RBMS1: variants seen among roughly 807,000 people sequenced by gnomAD.
RBMS1 encodes the protein RNA-binding motif, single-stranded-interacting protein 1.
A neutral mutation model predicts 62.3 loss-of-function variants in RBMS1; 17 were observed. The ratio of observed to expected loss-of-function variants is 0.27; its 90% CI spans 0.19 to 0.41. The LOEUF is 0.41. RBMS1 is among the 10% of genes least tolerant of loss of function. The pLI is 1.00. For missense variants in RBMS1, 334 were observed against 504.5 expected (o/e 0.66, Z 3.24); for synonymous variants, 172 against 170.0 (o/e 1.01, Z -0.09).
At chr2:160,278,750 G>T in intron 10 of RBMS1, 92 bp from the exon 11 acceptor site, 2 of 759,790 alleles carry the variant, frequency 2.6e-6, no homozygotes, top group Non-Finnish European at 4.2e-6. Context: ...ACCTTAGTTT[G>T]TTTAAGAATG....
chr2:160,279,889 C>T (rs1468165674), intron 10 of RBMS1: 3 of 152,118 alleles, frequency 2.0e-5, no homozygotes, highest in African/African-American at 7.2e-5. Context: ...AATGTCTCCT[C>T]AAAGATGTTA....
intron 10 of RBMS1, among the ~76,000 whole-genome samples, chr2:160,280,624 A>C (rs1248370973): frequency 6.6e-6 from 1 of 152,118 alleles, no homozygotes; most frequent in Non-Finnish European, 1.5e-5. Context: ...AGTTACTAGA[A>C]AGCTTAGAGC....
chr2:160,416,531 A>G (rs1696215386), intron 1 of RBMS1, among the ~76,000 whole-genome samples: 1 of 152,158 alleles, frequency 6.6e-6, no homozygotes, highest in Non-Finnish European at 1.5e-5. Context: ...ATGCTTTATT[A>G]TGCATTATCT....
intron 1 of RBMS1, among the ~76,000 whole-genome samples, chr2:160,478,069 G>A (rs1485911681): frequency 1.3e-5 from 2 of 152,236 alleles, no homozygotes; most frequent in South Asian, 2.1e-4. Flanking sequence ...GGCACTGCAT[G>A]CTGTCTACAA....
intron 1 of RBMS1, among the ~76,000 whole-genome samples, chr2:160,446,765 C>G (rs948457154): frequency 6.6e-6 from 1 of 152,218 alleles, no homozygotes; most frequent in African/African-American, 2.4e-5. Flanking sequence ...CTCCCCATTC[C>G]TCGGACTGCT....
chr2:160,279,895 T>C (rs1345839609), intron 10 of RBMS1: 2 of 152,184 alleles, frequency 1.3e-5, no homozygotes, highest in Non-Finnish European at 2.9e-5. Flanking sequence ...TCCTCAAAGA[T>C]GTTAAGCTCA....
chr2:160,300,038 C>T (rs556931388), intron 6 of RBMS1, among the ~76,000 whole-genome samples: 1 of 152,170 alleles, frequency 6.6e-6, no homozygotes, highest in Non-Finnish European at 1.5e-5. Flanking sequence ...GAGAATGCCA[C>T]TTAAGAAATG....
chr2:160,465,219 A>G (rs1171272164), intron 1 of RBMS1, among the ~76,000 whole-genome samples: 2 of 152,238 alleles, frequency 1.3e-5, no homozygotes, highest in Non-Finnish European at 1.5e-5. Flanking sequence ...TGGCATAGTC[A>G]TTATGATTGT....
At chr2:160,304,677 T>TAA (rs1689403169) in intron 4 of RBMS1, among the ~76,000 whole-genome samples, 1 of 152,136 alleles carries the variant, frequency 6.6e-6, no homozygotes, top group South Asian at 2.1e-4. Flanking sequence ...AAATAATAAA[T>TAA]AATAGATTTT....
At chr2:160,341,896 A>T (rs1414377316) in intron 2 of RBMS1, among the ~76,000 whole-genome samples, 1 of 152,226 alleles carries the variant, frequency 6.6e-6, no homozygotes, top group Non-Finnish European at 1.5e-5. Flanking sequence ...GTTTTAAAAC[A>T]TTTATGACTA....
chr2:160,279,212 T>C (rs1687985023), intron 10 of RBMS1: 1 of 152,246 alleles, frequency 6.6e-6, no homozygotes, highest in African/African-American at 2.4e-5. Context: ...ATTCACTCAG[T>C]GTTTCTCAGA....
chr2:160,354,339 TA>T (rs1692678279), intron 2 of RBMS1, among the ~76,000 whole-genome samples: 1 of 152,068 alleles, frequency 6.6e-6, no homozygotes, highest in African/African-American at 2.4e-5. Flanking sequence ...GGGTAATGAA[TA>T]GGGGTGGTGG....
intron 2 of RBMS1, among the ~76,000 whole-genome samples, chr2:160,322,292 A>G (rs911312375): frequency 2.0e-5 from 3 of 152,236 alleles, no homozygotes; most frequent in African/African-American, 7.2e-5. Flanking sequence ...AATGATTTTG[A>G]GAAACAATGC....
chr2:160,439,338 C>T (rs541071234), intron 1 of RBMS1, among the ~76,000 whole-genome samples: 25 of 147,696 alleles, frequency 1.7e-4, no homozygotes, highest in African/African-American at 4.8e-4. Flanking sequence ...ACTTCTCAGA[C>T]GGGGCGGTTG....
chr2:160,410,351 T>TA (rs1695977831), intron 1 of RBMS1, among the ~76,000 whole-genome samples: 3 of 152,190 alleles, frequency 2.0e-5, no homozygotes, highest in South Asian at 2.1e-4. Flanking sequence ...ATATATGTTT[T>TA]AAAAAAACAA....
chr2:160,283,242 ACATAT>A (rs1688193173), intron 9 of RBMS1: 1 of 152,238 alleles, frequency 6.6e-6, no homozygotes, highest in African/African-American at 2.4e-5. Flanking sequence ...ATTTTCAGTG[ACATAT>A]AAATGACAGA....
chr2:160,286,590 G>C (rs909954288), intron 7 of RBMS1, among the ~76,000 whole-genome samples: 1 of 152,032 alleles, frequency 6.6e-6, no homozygotes. Context: ...AAAGTGCTAG[G>C]ATTATAGGTG....
intron 2 of RBMS1, among the ~76,000 whole-genome samples, chr2:160,349,285 G>C (rs767021275): frequency 3.3e-5 from 5 of 152,056 alleles, no homozygotes; most frequent in Non-Finnish European, 7.4e-5. Flanking sequence ...AGAGCCAGAG[G>C]CTAAAAGTAT....
intron 1 of RBMS1, among the ~76,000 whole-genome samples, chr2:160,398,379 G>C (rs1695255161): frequency 6.6e-6 from 1 of 152,210 alleles, no homozygotes; most frequent in African/African-American, 2.4e-5. Flanking sequence ...CAATGTGTTT[G>C]AGAAGATCCA....
Sources: gnomAD v4.1 joint callset for allele counts (sites outside exome capture counted in the v4.1 genomes callset) on GRCh38, gnomAD v4.1.1 for gene constraint, MANE v1.5 for transcripts, NCBI Gene and HGNC (gene_info 2026-07-23, HGNC 2026-07-21) for gene names.